The following MTMR1 variants were observed in gnomAD, a reference collection of about 807,000 sequenced individuals.
The protein encoded by MTMR1 is phosphatidylinositol-3-phosphate phosphatase MTMR1.
MTMR1 carries 17 observed loss-of-function variants against 51.6 expected under a neutral mutation model. The observed-to-expected ratio is 0.33, with a 90% CI of 0.23 to 0.49. MTMR1 has a LOEUF of 0.49. Ranked by LOEUF, MTMR1 falls within the 20% of genes least tolerant of loss-of-function variation. MTMR1 has a pLI of 0.99. For missense variants in MTMR1, 386 were observed against 526.9 expected (o/e 0.73, Z 2.62); for synonymous variants, 201 against 205.6 (o/e 0.98, Z 0.19).
At chrX:150,698,601 C>G (rs2040767089) in intron 1 of MTMR1, among the ~76,000 whole-genome samples, 1 of 109,033 alleles carries the variant, frequency 9.2e-6, no homozygotes, top group South Asian at 4.0e-4. Flanking sequence ...CTTTGGGAGG[C>G]TAAGGCGGGT....
intron 14 of MTMR1, among the ~76,000 whole-genome samples, chrX:150,751,611 G>A: frequency 9.0e-6 from 1 of 111,187 alleles, no homozygotes; most frequent in Non-Finnish European, 1.9e-5. Flanking sequence ...CTGACTGGCT[G>A]CCATTTTAAC....
intron 3 of MTMR1, among the ~76,000 whole-genome samples, chrX:150,717,833 G>A (rs943407914): frequency 8.9e-6 from 1 of 112,640 alleles, no homozygotes; most frequent in African/African-American, 3.2e-5. Context: ...TTGTAGCCAG[G>A]AAACCTAGTA....
chrX:150,748,040 G>T (rs2042625282), intron 13 of MTMR1, among the ~76,000 whole-genome samples: 1 of 111,598 alleles, frequency 9.0e-6, no homozygotes, highest in Admixed American at 9.5e-5. Flanking sequence ...CTTGCTTCCT[G>T]GTTCATAGAT....
chrX:150,694,504 C>T (rs2040603169), intron 1 of MTMR1, among the ~76,000 whole-genome samples: 1 of 112,075 alleles, frequency 8.9e-6, no homozygotes, highest in African/African-American at 3.3e-5. Context: ...GCAGCATGCA[C>T]TGTTGGAATG....
chrX:150,750,615 C>T (rs1168842409), intron 13 of MTMR1, 115 bp from the exon 14 acceptor site: 4 of 469,936 alleles, frequency 8.5e-6, no homozygotes, highest in Non-Finnish European at 1.1e-5. Flanking sequence ...GCTCAGTCTT[C>T]CTTTAAATCT....
intron 15 of MTMR1, among the ~76,000 whole-genome samples, chrX:150,760,078 T>C (rs1302670133): frequency 9.1e-6 from 1 of 109,334 alleles, no homozygotes; most frequent in Non-Finnish European, 1.9e-5. Flanking sequence ...AGTAGGTGTG[T>C]GGTCCTGCTT....
chrX:150,735,642 TA>T (rs1156874440), intron 10 of MTMR1: 23 of 349,759 alleles, frequency 6.6e-5, no homozygotes, highest in African/African-American at 5.6e-4. Context: ...TCTTCTTTTT[TA>T]AAAAAAACTT....
intron 15 of MTMR1, among the ~76,000 whole-genome samples, chrX:150,759,764 CA>C (rs1278289333): frequency 9.1e-6 from 1 of 110,246 alleles, no homozygotes; most frequent in Non-Finnish European, 1.9e-5. Flanking sequence ...ACCACAGCGA[CA>C]GCGCCTATAA....
intron 3 of MTMR1, chrX:150,712,723 G>A (rs2041355873): frequency 4.9e-6 from 1 of 204,775 alleles, no homozygotes; most frequent in African/African-American, 3.1e-5. Flanking sequence ...TGTAATTCAT[G>A]CTACAGAATT....
At chrX:150,732,501 C>A (rs781989926) in intron 9 of MTMR1, 41 bp from the exon 10 acceptor site, 2 of 1,114,532 alleles carry the variant, frequency 1.8e-6, no homozygotes, top group South Asian at 4.3e-5. Flanking sequence ...AGCATACATT[C>A]TTTAGGAACT....
intron 3 of MTMR1, chrX:150,714,345 C>A: frequency 6.5e-6 from 2 of 307,757 alleles, no homozygotes; most frequent in Non-Finnish European, 1.2e-5. Context: ...TTTGCAAAGT[C>A]ATGAAAGGTG....
At chrX:150,730,496 C>A in intron 7 of MTMR1, 29 bp from the exon 8 acceptor site, 1 of 1,002,652 alleles carries the variant, frequency 1.0e-6, no homozygotes, top group Non-Finnish European at 1.4e-6. Context: ...GAAATAGTAA[C>A]ATATGTGTTT....
At chrX:150,736,545 T>C in intron 10 of MTMR1, 50 bp from the exon 11 acceptor site, 6 of 1,135,310 alleles carry the variant, frequency 5.3e-6, no homozygotes, top group Non-Finnish European at 7.2e-6. Context: ...CTAGAAAGAA[T>C]AGAAAAGTTA....
chrX:150,744,385 C>T lies in MTMR1; in HGVS notation c.1498C>T (p.His500Tyr). ...ALRVGHGNDN[H>Y]ADADRSPIFL... Reference sequence around the variant, plus strand: ...GCGAGTGGGCCATGGTAATGACAACCATGCGGATGCTGACCGATCTCCCAT... The same window carrying T: ...GCGAGTGGGCCATGGTAATGACAACTATGCGGATGCTGACCGATCTCCCAT... Residue 500 changes from histidine to tyrosine, a missense_variant, in exon 13 of 16, where the codon CAT (histidine) becomes TAT (tyrosine). Transcript: ENST00000445323. 8.3e-7 allele frequency: 1 copy of T among 1,210,860 alleles called. No individual in the cohort carries two copies. Among genetic ancestry groups the T allele is most frequent in the Non-Finnish European group, 1.1e-6 (1 of 894,973 alleles).
At chrX:150,723,009 C>T (rs1401977850) in intron 4 of MTMR1, among the ~76,000 whole-genome samples, 2 of 105,008 alleles carry the variant, frequency 1.9e-5, no homozygotes, top group African/African-American at 7.0e-5. Context: ...CCCTTCCCCC[C>T]ACCCCACAAC....
In MTMR1 at chrX:150,730,219, A is replaced by C. The variant is rs375491791; in HGVS notation, c.657+9A>C. The C allele has an allele frequency of 4.6e-6, 5 of 1,090,897 alleles. No homozygotes were observed. The African/African-American group carries it at 9.3e-5, about 20-fold the overall frequency. The allele number at this position is 1,090,897 out of a possible 1,213,427, so 89.9% of individuals were successfully genotyped here. ...CTCTTTCTAACGGACAGGTAAATACACCAGAGTAAACCTTTTCTGCATGCA... is the reference window on the plus strand; with the variant it reads ...CTCTTTCTAACGGACAGGTAAATACCCCAGAGTAAACCTTTTCTGCATGCA... On this transcript the variant is annotated intron_variant, in intron 7 of 15. Transcript: ENST00000445323.
intron 15 of MTMR1, among the ~76,000 whole-genome samples, chrX:150,760,694 C>T (rs202060860): frequency 2.7e-5 from 3 of 111,785 alleles, no homozygotes; most frequent in East Asian, 5.6e-4. Flanking sequence ...GAGGCCAAGG[C>T]GGGCAGATCA....
intron 4 of MTMR1, among the ~76,000 whole-genome samples, chrX:150,726,499 A>G (rs1557416773): frequency 8.9e-6 from 1 of 111,942 alleles, no homozygotes; most frequent in Non-Finnish European, 1.9e-5. Context: ...AGTATAGAAA[A>G]GTTCAATGGA....
rs782631840 is a variant in MTMR1 at position 150,736,913 on chromosome X, T to G, written c.1266+133T>G. The stretch of plus-strand genomic sequence containing the variant: ...TATTCAATAGTTTCCATGGACAGCA[T>G]CAGACTGGGGTCTTTGTGGAGGGCT... On this transcript the variant is annotated intron_variant, in intron 11 of 15. Transcript: ENST00000445323. The G allele has an allele frequency of 4.5e-6, 3 of 660,049 alleles. No individual in the cohort carries two copies. The South Asian group carries it at 1.1e-4, about 24-fold the overall frequency. 54.4% of individuals were successfully genotyped at this position (660,049 alleles called of 1,213,427 possible). A position where few individuals can be genotyped will look rare whatever the true frequency, so the allele number is the denominator to read the frequency against.
Sources: allele counts gnomAD v4.1 joint callset (sites outside exome capture counted in the v4.1 genomes callset), GRCh38; gene constraint gnomAD v4.1.1; transcripts MANE v1.5; gene names NCBI Gene and HGNC (gene_info 2026-07-23, HGNC 2026-07-21).